The following THADA variants were observed in gnomAD, a reference collection of about 807,000 sequenced individuals.
The protein encoded by THADA is THADA armadillo repeat containing.
A neutral mutation model predicts 219.8 loss-of-function variants in THADA; 213 were observed. That is an observed-to-expected ratio of 0.97 (90% CI 0.87 to 1.09). The LOEUF is 1.09. Ranked by LOEUF, THADA falls within the 50% of genes least tolerant of loss-of-function variation. THADA has a pLI of 0.00. For missense variants in THADA, 2,956 were observed against 2,311.3 expected, an observed-to-expected ratio of 1.28 and a Z score of -5.72; for synonymous variants, 1,018 against 828.9, an observed-to-expected ratio of 1.23 and a Z score of -3.92.
At chr2:43,341,656 C>T (rs1667075749) in intron 30 of THADA, among the ~76,000 whole-genome samples, 1 of 152,178 alleles carries the variant, frequency 6.6e-6, no homozygotes, top group Admixed American at 6.5e-5. Flanking sequence ...TCCTTCCTTA[C>T]AGCACTTTAA....
rs536309544 is a variant in THADA, at chr2:43,357,240, T to G, written c.4228-13003A>C. ...ATGAAGTGTAATAAAACAATGAGGG[T>G]TTTTTTTAACCTATGGATTTGGCAC... On this transcript the variant is annotated intron_variant, in intron 29 of 37. Coordinates refer to ENST00000405975, the MANE Select transcript of THADA (RefSeq NM_022065.5). Among the ~76,000 whole-genome samples the G allele has an allele frequency of 7.2e-4, 110 of 151,960 alleles. 1 individual carries two copies. The highest frequency in any genetic ancestry group is 2.6e-3 in the African/African-American group (109 of 41,472).
intron 36 of THADA, among the ~76,000 whole-genome samples, chr2:43,269,275 G>A (rs941101450): frequency 1.2e-4 from 18 of 152,310 alleles, no homozygotes; most frequent in African/African-American, 3.8e-4. Flanking sequence ...CAGAGAGCTC[G>A]GCTTTCAGAA....
intron 29 of THADA, among the ~76,000 whole-genome samples, chr2:43,361,926 A>G (rs919763950): frequency 6.6e-6 from 1 of 152,218 alleles, no homozygotes; most frequent in African/African-American, 2.4e-5. Flanking sequence ...ATGACCCTCA[A>G]GAGGTTTATT....
At chr2:43,387,362 G>C (rs564720698) in intron 29 of THADA, among the ~76,000 whole-genome samples, 25 of 152,302 alleles carry the variant, frequency 1.6e-4, no homozygotes, top group Admixed American at 6.5e-4. Context: ...GATTTTAAAA[G>C]TGAGCTGGCT....
In THADA at chr2:43,370,443, G is replaced by A. The variant is rs371555719; in HGVS notation, c.4228-26206C>T. 9.9e-5 allele frequency among the ~76,000 whole-genome samples: 15 copies of A among 152,152 alleles called. No homozygotes were observed. In the East Asian group the frequency reaches 2.7e-3, roughly 27 times the overall value. On this transcript the variant is annotated intron_variant, in intron 29 of 37. Coordinates refer to ENST00000405975, the MANE Select transcript of THADA (RefSeq NM_022065.5). The stretch of plus-strand genomic sequence containing the variant: ...TCGGGAAAGGACATACAGCAACACC[G>A]TTCTCACAAACAAACAGAAGTTTCA...
intron 26 of THADA, among the ~76,000 whole-genome samples, chr2:43,456,744 C>A (rs1683044097): frequency 6.6e-6 from 1 of 152,016 alleles, no homozygotes; most frequent in African/African-American, 2.4e-5. Context: ...GCTCTTGCCA[C>A]CAAGTCCTCT....
At chr2:43,317,405 G>A (rs1008727550) in intron 31 of THADA, among the ~76,000 whole-genome samples, 9 of 152,128 alleles carry the variant, frequency 5.9e-5, no homozygotes, top group African/African-American at 7.2e-5. Context: ...GTGCTTAGAC[G>A]ACAAAGAATC....
intron 30 of THADA, among the ~76,000 whole-genome samples, chr2:43,338,283 A>G (rs1251161651): frequency 1.3e-5 from 2 of 151,904 alleles, no homozygotes; most frequent in South Asian, 4.2e-4. Context: ...CAGCCTCCCA[A>G]GTAGCTGGGA....
chr2:43,478,619 T>C (rs1176046891), intron 26 of THADA, among the ~76,000 whole-genome samples: 2 of 152,212 alleles, frequency 1.3e-5, no homozygotes, highest in Non-Finnish European at 2.9e-5. Flanking sequence ...AGAGGATACA[T>C]GCATTGCCAA....
At chr2:43,515,018 AT>A (rs1487409156) in intron 22 of THADA, among the ~76,000 whole-genome samples, 4 of 50,860 alleles carry the variant, frequency 7.9e-5, no homozygotes, top group Non-Finnish European at 9.8e-5. Context: ...TATATTATAT[AT>A]TTTATATATA....
chr2:43,344,138 G>A lies in THADA; in HGVS notation c.4327C>T (p.Leu1443Phe), dbSNP rs61754254. ...TTAACATACCTCTTGGCCAGCCAGAGTTTGGCTTTGGTACAAACAGTGATG... is the reference window on the plus strand; with the variant it reads ...TTAACATACCTCTTGGCCAGCCAGAATTTGGCTTTGGTACAAACAGTGATG... ...TDITVCTKAK[L>F]WLAKRQNPCL... is the part of the protein sequence containing the mutation. Residue 1443 changes from leucine to phenylalanine, a missense_variant, in exon 30 of 38, where the codon CTC (leucine) becomes TTC (phenylalanine). Leu to Phe is a conservative substitution (Grantham distance 22, BLOSUM62 0). Coordinates refer to ENST00000405975, the MANE Select transcript of THADA (RefSeq NM_022065.5). 7.3e-3 allele frequency: 11,694 copies of A among 1,610,178 alleles called. 64 individuals carry two copies. The highest frequency in any genetic ancestry group is 9.2e-3 in the Non-Finnish European group (10,795 of 1,178,184).
In THADA at chr2:43,320,440, T is replaced by A. The variant is rs368994452; in HGVS notation, c.4438+6A>T. On this transcript the variant is annotated splice_donor_region_variant and intron_variant, in intron 31 of 37. Transcript: ENST00000405975. The stretch of plus-strand genomic sequence containing the variant: ...TTCCAAAATACAGTATAACTATGAA[T>A]CATACCTGGCTGGTTGTCCTTTGCA... 2 of 1,606,536 alleles carry A rather than the reference T, an allele frequency of 1.2e-6. No homozygotes were observed.
chr2:43,497,014 G>A (rs938019871), intron 25 of THADA, among the ~76,000 whole-genome samples: 1 of 152,166 alleles, frequency 6.6e-6, no homozygotes, highest in African/African-American at 2.4e-5. Flanking sequence ...TCAGAATGGT[G>A]ATTACTAAAA....
chr2:43,547,909 G>T (rs1041148183), intron 20 of THADA, among the ~76,000 whole-genome samples: 17 of 152,196 alleles, frequency 1.1e-4, no homozygotes, highest in African/African-American at 4.1e-4. Flanking sequence ...TGCTGGTGAG[G>T]AGCTGCATTC....
chr2:43,571,249 A>AT lies in THADA; in HGVS notation c.2064+457dup, dbSNP rs34717327. On this transcript the variant is annotated intron_variant, in intron 13 of 37. Coordinates refer to ENST00000405975, the MANE Select transcript of THADA (RefSeq NM_022065.5). ...CCAGCCTGGCTGACAGAGCAAGACT[A>AT]TTTTTTTTTTTTTTTTTTTGGAGAC... 3.4e-3 allele frequency among the ~76,000 whole-genome samples: 415 copies of AT among 123,198 alleles called. 1 individual carries two copies. The highest frequency in any genetic ancestry group is 6.4e-3 in the African/African-American group (205 of 32,256). The allele number at this position is 123,198 out of a possible 152,430, so 80.8% of individuals were successfully genotyped here.
chr2:43,321,152 G>A (rs1678658603), intron 30 of THADA, among the ~76,000 whole-genome samples: 1 of 152,144 alleles, frequency 6.6e-6, no homozygotes, highest in African/African-American at 2.4e-5. Flanking sequence ...TCAGATTTGG[G>A]TATCTATATA....
At chr2:43,470,907 T>C (rs1462927315) in intron 26 of THADA, among the ~76,000 whole-genome samples, 4 of 152,184 alleles carry the variant, frequency 2.6e-5, no homozygotes, top group Non-Finnish European at 5.9e-5. Context: ...TTGAAGAATA[T>C]TTGTTTTGAA....
At chr2:43,342,309 C>T (rs756079416) in intron 30 of THADA, among the ~76,000 whole-genome samples, 48 of 152,180 alleles carry the variant, frequency 3.2e-4, no homozygotes, top group African/African-American at 8.7e-4. Flanking sequence ...CATCAATATC[C>T]CTATCCAAAG....
In THADA at chr2:43,552,257, T is replaced by C. The variant is rs746242095; in HGVS notation, c.2757A>G (p.Pro919=). ...TTATACAGTGGACTCGCCCATACATTGGAAATGCTGCTGCTGCCTGAAGCA... is the reference window on the plus strand; with the variant it reads ...TTATACAGTGGACTCGCCCATACATCGGAAATGCTGCTGCTGCCTGAAGCA... ...NSLLQAAAAF[P]MYGRVHCITG... Residue 919 remains proline (P), a synonymous_variant, in exon 18 of 38, where the codon CCA becomes CCG. Transcript: ENST00000405975. The C allele has an allele frequency of 1.2e-6, 2 of 1,611,642 alleles. No homozygotes were observed. Among genetic ancestry groups the C allele is most frequent in the East Asian group, 2.2e-5 (1 of 44,846 alleles).
Sources: allele counts gnomAD v4.1 joint callset (sites outside exome capture counted in the v4.1 genomes callset), GRCh38; gene constraint gnomAD v4.1.1; transcripts MANE v1.5; gene names NCBI Gene and HGNC (gene_info 2026-07-23, HGNC 2026-07-21).